The following LDLRAD4 variants were observed in gnomAD, a reference collection of about 807,000 sequenced individuals.
LDLRAD4 encodes low density lipoprotein receptor class A domain containing 4.
Under a neutral mutation model 17.0 loss-of-function variants are expected in LDLRAD4, and 5 were observed. The observed-to-expected ratio is 0.29, with a 90% CI of 0.15 to 0.62. The LOEUF is 0.62. LDLRAD4 is among the 20% of genes least tolerant of loss of function. LDLRAD4 has a pLI of 0.84. For missense variants in LDLRAD4, 340 were observed against 424.7 expected (o/e 0.80, Z 1.75); for synonymous variants, 168 against 171.8 (o/e 0.98, Z 0.17).
chr18:13,496,601 G>A (rs2093475237), intron 3 of LDLRAD4, among the ~76,000 whole-genome samples: 1 of 152,206 alleles, frequency 6.6e-6, no homozygotes, highest in Non-Finnish European at 1.5e-5. Context: ...GGAGACTCAA[G>A]CATCAGCACC....
intron 1 of LDLRAD4, among the ~76,000 whole-genome samples, chr18:13,235,544 A>G (rs1482200785): frequency 6.6e-6 from 1 of 152,242 alleles, no homozygotes; most frequent in African/African-American, 2.4e-5. Context: ...TTTAAAATCC[A>G]CAAGGATTGT....
chr18:13,221,552 A>AT (rs1225257332), intron 1 of LDLRAD4, among the ~76,000 whole-genome samples: 2 of 152,174 alleles, frequency 1.3e-5, no homozygotes, highest in Non-Finnish European at 1.5e-5. Context: ...TTTTAGGGAC[A>AT]TTTTTTGGGG....
chr18:13,568,741 A>G (rs948333756), intron 3 of LDLRAD4, among the ~76,000 whole-genome samples: 3 of 152,208 alleles, frequency 2.0e-5, no homozygotes, highest in Non-Finnish European at 2.9e-5. Context: ...GGGTCTCTGT[A>G]TCACAGTAGA....
chr18:13,259,043 A>AC, intron 1 of LDLRAD4, among the ~76,000 whole-genome samples: 1 of 152,364 alleles, frequency 6.6e-6, no homozygotes, highest in Non-Finnish European at 1.5e-5. Context: ...ATTCGGGATG[A>AC]CTGAGTATTC....
At chr18:13,336,110 CCTGA>C (rs1221380674) in intron 1 of LDLRAD4, among the ~76,000 whole-genome samples, 1 of 152,228 alleles carries the variant, frequency 6.6e-6, no homozygotes, top group East Asian at 1.9e-4. Flanking sequence ...CAGGGAGGTG[CCTGA>C]CTCTTTTAAC....
chr18:13,633,033 G>C (rs1418703623), intron 4 of LDLRAD4, among the ~76,000 whole-genome samples: 1 of 152,232 alleles, frequency 6.6e-6, no homozygotes, highest in Admixed American at 6.5e-5. Flanking sequence ...GACCCATAGA[G>C]GGTAGCTCCT....
At chr18:13,523,969 C>T (rs1198130905) in intron 3 of LDLRAD4, among the ~76,000 whole-genome samples, 1 of 152,238 alleles carries the variant, frequency 6.6e-6, no homozygotes, top group African/African-American at 2.4e-5. Flanking sequence ...GCTGGTGAAC[C>T]TCTCTCTGCC....
Position 13,645,304 on chromosome 18 carries a change from C to T in LDLRAD4, c.568C>T (p.Gln190Ter). 1.2e-6 allele frequency: 2 copies of T among 1,614,226 alleles called. No homozygotes were observed. Among genetic ancestry groups the T allele is most frequent in the Non-Finnish European group, 1.7e-6 (2 of 1,180,028 alleles). The change falls in exon 6 of 6, where the codon CAG becomes TAG. Residue 190 changes from glutamine to a stop codon, truncating the protein, a stop_gained. Transcript: ENST00000359446. LOFTEE classifies it low-confidence loss of function (END_TRUNC). This position sits in a 1 kb window ranked among gnomAD's most constrained non-coding sequence, Gnocchi z 5.7. ...TCCTTACCAGGGGCCCTGCACCCTG[C>T]AGCTCCGGGACCCTGAACAGCAGAT...
At chr18:13,640,003 C>T (rs1786509) in intron 4 of LDLRAD4, among the ~76,000 whole-genome samples, 125,426 of 152,146 alleles carry the variant, frequency 0.82, 51,855 homozygotes, top group East Asian at 0.98. Flanking sequence ...AAGAAAGAAA[C>T]TGGCAAGGTG....
chr18:13,627,781 C>T lies in LDLRAD4; in HGVS notation c.336+6510C>T, dbSNP rs193059895. On this transcript the variant is annotated intron_variant, in intron 4 of 5. Coordinates refer to ENST00000359446, the Ensembl canonical transcript of LDLRAD4. ...AGAGGGACAGAGGTGGCCATGGGCT[C>T]CCCGCTCTCTGAGGCTCGGCCCTGC... Among the ~76,000 whole-genome samples, 566 of 152,302 alleles carry T rather than the reference C, an allele frequency of 3.7e-3. 4 individuals carry two copies. The highest frequency in any genetic ancestry group is 0.013 in the African/African-American group (542 of 41,554).
At chr18:13,336,073 C>T (rs916445522) in intron 1 of LDLRAD4, among the ~76,000 whole-genome samples, 1 of 152,138 alleles carries the variant, frequency 6.6e-6, no homozygotes, top group African/African-American at 2.4e-5. Context: ...GCGGAGATCA[C>T]ACGGTGAGAG....
intron 3 of LDLRAD4, among the ~76,000 whole-genome samples, chr18:13,558,369 G>A (rs770981524): frequency 2.6e-5 from 4 of 152,152 alleles, no homozygotes; most frequent in African/African-American, 9.7e-5. Flanking sequence ...TCCCCTATTC[G>A]TACCCGACTT....
At chr18:13,534,765 A>G (rs564996583) in intron 3 of LDLRAD4, among the ~76,000 whole-genome samples, 3 of 152,032 alleles carry the variant, frequency 2.0e-5, no homozygotes, top group Admixed American at 6.5e-5. Context: ...ATACAGTTGC[A>G]TAATCTACAC....
intron 3 of LDLRAD4, among the ~76,000 whole-genome samples, chr18:13,438,939 G>T (rs946204123): frequency 6.6e-6 from 1 of 152,172 alleles, no homozygotes. Flanking sequence ...GTTGGTTTTC[G>T]ATCTCATGGT....
chr18:13,583,325 A>G (rs1384486700), intron 3 of LDLRAD4, among the ~76,000 whole-genome samples: 1 of 152,144 alleles, frequency 6.6e-6, no homozygotes, highest in Non-Finnish European at 1.5e-5. Context: ...TGCAGATGAC[A>G]AGGTGAGGTG....
chr18:13,266,170 C>T (rs1012656283), intron 1 of LDLRAD4, among the ~76,000 whole-genome samples: 39 of 152,148 alleles, frequency 2.6e-4, no homozygotes, highest in Admixed American at 1.2e-3. Flanking sequence ...GTAGCACTCG[C>T]CCAGACCTTA....
chr18:13,583,717 T>C (rs2094897216), intron 3 of LDLRAD4, among the ~76,000 whole-genome samples: 2 of 152,172 alleles, frequency 1.3e-5, no homozygotes, highest in African/African-American at 4.8e-5. Context: ...TGACAAGTAG[T>C]GTTGGGGGGC....
At chr18:13,254,180 C>T (rs904548238) in intron 1 of LDLRAD4, among the ~76,000 whole-genome samples, 11 of 152,162 alleles carry the variant, frequency 7.2e-5, no homozygotes, top group South Asian at 4.1e-4. Context: ...GGTGTCGCGC[C>T]GTGAAGGCAG....
chr18:13,495,295 G>A (rs920634136), intron 3 of LDLRAD4, among the ~76,000 whole-genome samples: 4 of 152,296 alleles, frequency 2.6e-5, no homozygotes, highest in African/African-American at 7.2e-5. Context: ...AATACGGTGC[G>A]GGGAGGGCTC....
Sources: gnomAD v4.1 joint callset for allele counts (sites outside exome capture counted in the v4.1 genomes callset) on GRCh38, gnomAD v4.1.1 for gene constraint, Gnocchi (gnomAD v3.1) non-coding constraint, MANE v1.5 for transcripts, NCBI Gene and HGNC (gene_info 2026-07-23, HGNC 2026-07-21) for gene names.